VPS13B: variants seen among roughly 807,000 people sequenced by gnomAD.
The protein encoded by VPS13B is vacuolar protein sorting 13 homolog B.
In VPS13B, 285 loss-of-function variants were observed where a neutral mutation model predicts 426.4. The observed-to-expected ratio is 0.67, with a 90% CI of 0.61 to 0.74. The LOEUF (loss-of-function observed/expected upper bound fraction) is 0.74. Among genes scored for constraint, VPS13B ranks in the 30% least tolerant of loss-of-function variants. The pLI, the probability that VPS13B is intolerant of heterozygous loss-of-function variation, is 0.00. For synonymous variants in VPS13B, 1,676 were observed against 1,676.4 expected (o/e 1.00, Z 0.01); for missense variants, 4,537 against 4,782.6 (o/e 0.95, Z 1.51).
chr8:99,192,930 C>G lies in VPS13B; in HGVS notation c.2388C>G (p.Leu796=). The part of the protein sequence containing the change: ...ITEGIFELPN[L]TIQATRAQTL... ...AAGGTATATTTGAACTTCCAAATCT[C>G]ACAATTCAAGCTACAAGAGCACAGA... is the stretch of plus-strand genomic sequence containing the variant. The change falls in exon 17 of 62, where the codon CTC becomes CTG. Residue 796 remains leucine, a synonymous_variant. Coordinates refer to ENST00000357162, the MANE Select transcript of VPS13B (RefSeq NM_152564.5). 1 of 1,613,584 alleles carries G rather than the reference C, an allele frequency of 6.2e-7. No individual in the cohort carries two copies. The highest frequency in any genetic ancestry group is 8.5e-7 in the Non-Finnish European group (1 of 1,179,802).
chr8:99,747,948 G>C (rs559619108), intron 39 of VPS13B, among the ~76,000 whole-genome samples: 33 of 152,038 alleles, frequency 2.2e-4, no homozygotes, highest in South Asian at 6.2e-4. Flanking sequence ...GTAAGACCTA[G>C]TCTATGGGCA....
intron 44 of VPS13B, among the ~76,000 whole-genome samples, chr8:99,812,931 G>A (rs1171813382): frequency 6.6e-6 from 1 of 152,162 alleles, no homozygotes; most frequent in Non-Finnish European, 1.5e-5. Flanking sequence ...TGGCTTTGGG[G>A]AAGGAGGGGA....
intron 21 of VPS13B, chr8:99,424,241 T>A (rs1278085163): frequency 1.3e-5 from 2 of 152,218 alleles, no homozygotes; most frequent in Non-Finnish European, 2.9e-5. Context: ...CCCTGCTTTT[T>A]TTTTTGTTTT....
At chr8:99,493,795 A>AG (rs1209395736) in intron 25 of VPS13B, among the ~76,000 whole-genome samples, 1 of 149,800 alleles carries the variant, frequency 6.7e-6, no homozygotes, top group African/African-American at 2.5e-5. Context: ...AAAAAAAAAA[A>AG]AAAAAAGAAA....
chr8:99,438,219 G>T (rs553044824), intron 22 of VPS13B, among the ~76,000 whole-genome samples: 1 of 151,938 alleles, frequency 6.6e-6, no homozygotes, highest in Admixed American at 6.6e-5. Flanking sequence ...GTCAGTCAGG[G>T]TGTCTCAAGC....
chr8:99,402,223 G>T (rs1369261885), intron 21 of VPS13B, among the ~76,000 whole-genome samples: 1 of 152,104 alleles, frequency 6.6e-6, no homozygotes. Context: ...AGGCATCAAG[G>T]GACAATAGAA....
At chr8:99,621,902 C>G (rs1339489410) in intron 33 of VPS13B, among the ~76,000 whole-genome samples, 2 of 142,416 alleles carry the variant, frequency 1.4e-5, no homozygotes, top group African/African-American at 5.2e-5. Flanking sequence ...AGCACAATCT[C>G]GACTCACTGC....
chr8:99,847,014 C>A (rs1816019727), intron 54 of VPS13B, among the ~76,000 whole-genome samples: 1 of 151,810 alleles, frequency 6.6e-6, no homozygotes, highest in Non-Finnish European at 1.5e-5. Flanking sequence ...AATTGATTTA[C>A]CTTATGTATC....
intron 12 of VPS13B, among the ~76,000 whole-genome samples, chr8:99,139,728 C>T (rs1346701814): frequency 6.6e-6 from 1 of 151,960 alleles, no homozygotes; most frequent in Non-Finnish European, 1.5e-5. Context: ...TGAGCCACTG[C>T]GCCCGGCCCT....
At chr8:99,861,680 AG>A in intron 57 of VPS13B, 95 bp from the exon 58 acceptor site, 1 of 1,484,472 alleles carries the variant, frequency 6.7e-7, no homozygotes, top group Non-Finnish European at 9.2e-7. Flanking sequence ...CATGTCCAGG[AG>A]GGGCCACAGG....
At chr8:99,697,665 G>A (rs2130161208) in intron 35 of VPS13B, 1 of 647,476 alleles carries the variant, frequency 1.5e-6, no homozygotes, top group Non-Finnish European at 2.9e-6. Context: ...TGCAGCAGAT[G>A]ATCGGGCAGA....
chr8:99,359,178 T>C (rs772967958), intron 19 of VPS13B, among the ~76,000 whole-genome samples: 14 of 152,214 alleles, frequency 9.2e-5, no homozygotes, highest in Non-Finnish European at 1.9e-4. Flanking sequence ...TCCTTGCCAG[T>C]AACCTTAAAA....
At chr8:99,581,480 G>T (rs1391278343) in intron 33 of VPS13B, among the ~76,000 whole-genome samples, 1 of 152,034 alleles carries the variant, frequency 6.6e-6, no homozygotes, top group Non-Finnish European at 1.5e-5. Context: ...GTTTTAGATG[G>T]GGTGAGGCCA....
chr8:99,569,653 A>G (rs1254449361), intron 31 of VPS13B, among the ~76,000 whole-genome samples: 1 of 152,206 alleles, frequency 6.6e-6, no homozygotes, highest in East Asian at 1.9e-4. Flanking sequence ...ACAGATGGGC[A>G]GAAGAACCTT....
At chr8:99,474,183 A>ATTTTTTTTTTTTTTTTTTTTTTTTTTTT (rs34752686) in intron 24 of VPS13B, among the ~76,000 whole-genome samples, 6 of 124,962 alleles carry the variant, frequency 4.8e-5, no homozygotes, top group African/African-American at 1.6e-4. Flanking sequence ...CTGTTATCCA[A>ATTTTTTTTTTTTTTTTTTTTTTTTTTTT]TTTTTTTTTT....
At chr8:99,781,158 T>G (rs1427043221) in intron 42 of VPS13B, among the ~76,000 whole-genome samples, 1 of 152,206 alleles carries the variant, frequency 6.6e-6, no homozygotes, top group Non-Finnish European at 1.5e-5. Flanking sequence ...AACAGAAGCC[T>G]TCATCAGTGT....
At chr8:99,614,436 C>A (rs933890953) in intron 33 of VPS13B, among the ~76,000 whole-genome samples, 6 of 152,084 alleles carry the variant, frequency 3.9e-5, no homozygotes, top group Admixed American at 1.3e-4. Context: ...TGCCACCACA[C>A]CCGGCTAATT....
chr8:99,372,621 C>T (rs1260471134), intron 19 of VPS13B, among the ~76,000 whole-genome samples: 1 of 152,234 alleles, frequency 6.6e-6, no homozygotes, highest in Non-Finnish European at 1.5e-5. Context: ...GAGATACCAT[C>T]TCACACCAGT....
chr8:99,135,674 C>G lies in VPS13B; in HGVS notation c.1504C>G (p.Arg502Gly). 5 of 1,613,312 alleles carry G rather than the reference C, an allele frequency of 3.1e-6. No homozygotes were observed. Among genetic ancestry groups the G allele is most frequent in the Non-Finnish European group, 4.2e-6 (5 of 1,179,492 alleles). Residue 502 changes from arginine (R) to glycine (G), a missense_variant, in exon 11 of 62, where the codon CGA becomes GGA. Arg to Gly is a moderately radical substitution (Grantham distance 125). Around this residue, in one of 2 missense-constraint regions of VPS13B, gnomAD observed 4,311 missense variants for 4,474.3 expected, o/e 0.96. Transcript: ENST00000357162. Reference protein sequence around the residue: ...TYLTNSLFDYRSPENNGTRAE... With the variant: ...TYLTNSLFDYGSPENNGTRAE... ...CCTTACAAATTCATTGTTTGATTAC[C>G]GAAGCCCAGAAAATAATGGTACTCG... is the stretch of plus-strand genomic sequence containing the variant.
Sources: allele counts gnomAD v4.1 joint callset (sites outside exome capture counted in the v4.1 genomes callset), GRCh38; gene constraint gnomAD v4.1.1; regional missense constraint gnomAD v4.1.1; transcripts MANE v1.5; gene names NCBI Gene and HGNC (gene_info 2026-07-23, HGNC 2026-07-21).